The following CFI variants were observed in gnomAD, a reference collection of about 807,000 sequenced individuals.
CFI encodes the protein complement factor I, also known as C3B/C4B inactivator.
A neutral mutation model predicts 78.8 loss-of-function variants in CFI; 66 were observed. That is an observed-to-expected ratio of 0.84 (90% CI 0.69 to 1.03). The LOEUF (loss-of-function observed/expected upper bound fraction) is 1.03. Ranked by LOEUF, CFI falls within the 50% of genes least tolerant of loss-of-function variation. The pLI is 0.00. For synonymous variants in CFI, 250 were observed against 232.6 expected, an observed-to-expected ratio of 1.07 and a Z score of -0.68; for missense variants, 706 against 704.5, an observed-to-expected ratio of 1.00 and a Z score of -0.02.
chr4:109,779,238 C>T (rs1304095103), intron 1 of CFI, among the ~76,000 whole-genome samples: 6 of 152,204 alleles, frequency 3.9e-5, no homozygotes, highest in South Asian at 4.2e-4. Flanking sequence ...AAAACCCCAT[C>T]GTCTCAGCCC....
chr4:109,745,251 T>C (rs1452372210), intron 11 of CFI, among the ~76,000 whole-genome samples: 1 of 152,204 alleles, frequency 6.6e-6, no homozygotes, highest in Non-Finnish European at 1.5e-5. Flanking sequence ...AGCACAATCA[T>C]GGCTCACTGC....
intron 10 of CFI, 118 bp from the exon 11 acceptor site, chr4:109,746,620 G>T: frequency 1.2e-6 from 1 of 816,600 alleles, no homozygotes; most frequent in Non-Finnish European, 1.9e-6. Flanking sequence ...CCAGAATTTT[G>T]TAAATGCTTG....
the CFI span, among the ~76,000 whole-genome samples, chr4:109,734,668 G>T: frequency 6.6e-6 from 1 of 152,156 alleles, no homozygotes; most frequent in Non-Finnish European, 1.5e-5. Flanking sequence ...CCTGGGCGTG[G>T]TGGCAGGTGC....
Position 109,766,548 on chromosome 4 carries a change from TGC to T in CFI, c.328+4_328+5del, listed in dbSNP as rs1198052146. On this transcript the variant is annotated splice_donor_5th_base_variant and intron_variant, in intron 2 of 12. Coordinates refer to ENST00000394634, the MANE Select transcript of CFI (RefSeq NM_000204.5). ...TAGAATGACTTGAAAACTAGTCTCT[TGC>T]TACCTTCGGCTGTGCATGTTCCGTT... 4 of 1,614,048 alleles carry T rather than the reference TGC, an allele frequency of 2.5e-6. No individual in the cohort carries two copies. Among genetic ancestry groups the T allele is most frequent in the Non-Finnish European group, 3.4e-6 (4 of 1,179,982 alleles).
At chr4:109,757,712 T>G in intron 7 of CFI, 51 bp downstream of exon 7, 1 of 1,182,254 alleles carries the variant, frequency 8.5e-7, no homozygotes, top group Non-Finnish European at 1.2e-6. Context: ...CCAAAGAACC[T>G]GAGTTTTGTT....
At chr4:109,793,807 T>C (rs1314263731) in intron 1 of CFI, 1 of 152,268 alleles carries the variant, frequency 6.6e-6, no homozygotes, top group East Asian at 1.9e-4. Flanking sequence ...TTATAGGCAA[T>C]GAGCCACCAC....
chr4:109,765,106 A>C (rs1727568712), intron 2 of CFI, among the ~76,000 whole-genome samples: 1 of 152,226 alleles, frequency 6.6e-6, no homozygotes, highest in African/African-American at 2.4e-5. Flanking sequence ...CGTGTATTTA[A>C]GGCATTTAAT....
chr4:109,759,119 G>C (rs1237460181), intron 6 of CFI, among the ~76,000 whole-genome samples: 2 of 151,960 alleles, frequency 1.3e-5, no homozygotes, highest in African/African-American at 4.8e-5. Context: ...AAGAATTCTT[G>C]CCTAAAATAT....
intron 7 of CFI, among the ~76,000 whole-genome samples, chr4:109,757,156 G>A (rs1726416851): frequency 6.6e-6 from 1 of 151,636 alleles, no homozygotes; most frequent in African/African-American, 2.4e-5. Flanking sequence ...AGCCTCCCAA[G>A]TAGCTGGGAC....
rs796089957 is a variant in CFI, at chr4:109,766,243, G to A, written c.328+311C>T. Among the ~76,000 whole-genome samples the A allele has an allele frequency of 1.7e-4, 26 of 152,212 alleles. 1 individual carries two copies. Among genetic ancestry groups the A allele is most frequent in the African/African-American group, 6.0e-4 (25 of 41,538 alleles). On this transcript the variant is annotated intron_variant, in intron 2 of 12. Transcript: ENST00000394634. Reference sequence around the variant, plus strand: ...CACTGGGTTCTGAACCAACTCAATGGCCCTGGGAATAATCCCTTTAACCAA... The same window carrying A: ...CACTGGGTTCTGAACCAACTCAATGACCCTGGGAATAATCCCTTTAACCAA...
In CFI at chr4:109,779,695, A is replaced by C. The variant is rs546991934; in HGVS notation, c.58-12871T>G. Among the ~76,000 whole-genome samples, 60 of 152,288 alleles carry C rather than the reference A, an allele frequency of 3.9e-4. 1 individual carries two copies. Among genetic ancestry groups the C allele is most frequent in the African/African-American group, 1.4e-3 (57 of 41,582 alleles). On this transcript the variant is annotated intron_variant, in intron 1 of 12. Transcript: ENST00000394634. ...TGCCAAGACAATCCTAAGCCAAAAG[A>C]AGAAAGCTGGAGGCATCATGTGACC... is the stretch of plus-strand genomic sequence containing the variant.
intron 1 of CFI, among the ~76,000 whole-genome samples, chr4:109,767,602 G>C (rs1327662125): frequency 3.3e-5 from 5 of 150,954 alleles, no homozygotes; most frequent in Non-Finnish European, 7.4e-5. Context: ...ACACCAGTTA[G>C]AATGGCGATC....
chr4:109,799,875 T>TG (rs1560572538), intron 1 of CFI, among the ~76,000 whole-genome samples: 1 of 152,184 alleles, frequency 6.6e-6, no homozygotes, highest in Non-Finnish European at 1.5e-5. Flanking sequence ...AGGGAGGGTA[T>TG]GGGGCAAGGA....
At chr4:109,792,876 A>T (rs1731559238) in intron 1 of CFI, among the ~76,000 whole-genome samples, 1 of 152,160 alleles carries the variant, frequency 6.6e-6, no homozygotes, top group South Asian at 2.1e-4. Context: ...CTCTTTAGAC[A>T]GCATATAGTT....
At chr4:109,754,997 G>A (rs921878624) in intron 7 of CFI, among the ~76,000 whole-genome samples, 1 of 152,172 alleles carries the variant, frequency 6.6e-6, no homozygotes, top group African/African-American at 2.4e-5. Flanking sequence ...ACAGATGAGA[G>A]ACAGCATGGA....
rs1723935478 is a variant in CFI at position 109,742,564 on chromosome 4, A to G, written c.1461T>C (p.Gly487=). 1 of 1,613,080 alleles carries G rather than the reference A, an allele frequency of 6.2e-7. No individual in the cohort carries two copies. The highest frequency in any genetic ancestry group is 1.7e-5 in the Admixed American group (1 of 59,974). Residue 487 remains glycine (G), a synonymous_variant, in exon 12 of 13, where the codon GGT becomes GGC. Transcript: ENST00000394634. ...DNERVFSLQW[G]EVKLISNCSK... ...AGCAGTTGCTTATTAGTTTAACTTC[A>G]CCCCACTGAAGTGAAAAGACTCTTT...
At chr4:109,799,626 T>C (rs1002274739) in intron 1 of CFI, among the ~76,000 whole-genome samples, 4 of 152,184 alleles carry the variant, frequency 2.6e-5, no homozygotes, top group Admixed American at 6.5e-5. Context: ...TTATAAGTGA[T>C]AGGGTGATAG....
chr4:109,779,925 C>T (rs1729779869), intron 1 of CFI, among the ~76,000 whole-genome samples: 2 of 152,010 alleles, frequency 1.3e-5, no homozygotes, highest in Admixed American at 1.3e-4. Flanking sequence ...ACTGGCTAGC[C>T]ATAAGTAGAA....
At chr4:109,781,551 C>A (rs1371051605) in intron 1 of CFI, among the ~76,000 whole-genome samples, 1 of 152,068 alleles carries the variant, frequency 6.6e-6, no homozygotes, top group Non-Finnish European at 1.5e-5. Context: ...CAGGACCAGA[C>A]AGATTCACAG....
Sources: allele counts gnomAD v4.1 joint callset (sites outside exome capture counted in the v4.1 genomes callset), GRCh38; gene constraint gnomAD v4.1.1; transcripts MANE v1.5; gene names NCBI Gene and HGNC (gene_info 2026-07-23, HGNC 2026-07-21).